The following TEX15 variants were observed in gnomAD, a reference collection of about 807,000 sequenced individuals.
TEX15 encodes testis expressed 15, meiosis and synapsis associated, also known as testis-expressed protein 15.
TEX15 carries 171 observed loss-of-function variants against 237.3 expected under a neutral mutation model. That is an observed-to-expected ratio of 0.72 (90% CI 0.64 to 0.82). TEX15 has a LOEUF of 0.82. TEX15 is among the 40% of genes least tolerant of loss of function. TEX15 has a pLI of 0.00. For synonymous variants in TEX15, 1,338 were observed against 1,269.8 expected, an observed-to-expected ratio of 1.05 and a Z score of -1.14; for missense variants, 3,750 against 3,646.5, an observed-to-expected ratio of 1.03 and a Z score of -0.73.
chr8:30,875,058 T>C lies in TEX15; in HGVS notation c.181A>G (p.Ile61Val). The change falls in exon 4 of 11, where the codon ATA becomes GTA. Residue 61 changes from isoleucine (I) to valine (V), a missense_variant. Transcript: ENST00000643185. ...CTGCACTGGTTAAGAGTATCATGTA[T>C]AAAACTATACTCTCTACTATTGGTG... ...CYTNSREYSF[I>V]HDTLNQCRLD... 1.5e-6 allele frequency: 2 copies of C among 1,307,668 alleles called. No individual in the cohort carries two copies. Among genetic ancestry groups the C allele is most frequent in the Non-Finnish European group, 1.9e-6 (2 of 1,025,692 alleles). The allele number at this position is 1,307,668 out of a possible 1,614,324, so 81.0% of individuals were successfully genotyped here.
At chr8:30,889,456 A>G (rs1808736891) in intron 2 of TEX15, among the ~76,000 whole-genome samples, 1 of 151,822 alleles carries the variant, frequency 6.6e-6, no homozygotes, top group Admixed American at 6.6e-5. Flanking sequence ...CGGCTCAAAG[A>G]AAAAAAAATT....
Position 30,846,461 on chromosome 8 carries a change from CAG to C in TEX15, c.3704_3705del (p.Ser1235Ter), listed in dbSNP as rs1157421580. ...CTCAAGTCAAAAGAAAGGGAGATTT[CAG>C]AGTTACTCACTGGCCCTGATTCTTG... is the stretch of plus-strand genomic sequence containing the variant. The part of the protein sequence containing the change: ...IRQESGPVSN[S>X]EISLSFDLSR... On this transcript the variant is annotated frameshift_variant, in exon 8 of 11. Transcript: ENST00000643185. LOFTEE classifies it high-confidence loss of function. The C allele has an allele frequency of 1.9e-6, 3 of 1,613,184 alleles. No individual in the cohort carries two copies. The highest frequency in any genetic ancestry group is 2.2e-5 in the East Asian group (1 of 44,862).
intron 3 of TEX15, among the ~76,000 whole-genome samples, chr8:30,886,683 G>A (rs1231192312): frequency 6.6e-6 from 1 of 152,194 alleles, no homozygotes; most frequent in South Asian, 2.1e-4. Context: ...GGAAACGGGA[G>A]GGGTATATTT....
At chr8:30,910,747 C>A (rs1809199368) in intron 1 of TEX15, among the ~76,000 whole-genome samples, 1 of 151,228 alleles carries the variant, frequency 6.6e-6, no homozygotes, top group African/African-American at 2.4e-5. Flanking sequence ...TGGCACTCAT[C>A]CAAATAATTT....
rs113444427 is a variant in TEX15, at chr8:30,887,261, T to G, written c.42A>C (p.Gln14His). ...KETAKQDTLWQMSSTSKPVLN... is the reference protein window; with the variant it reads ...KETAKQDTLWHMSSTSKPVLN... ...ACACGGGTTTGCTAGTTGAGCTCAT[T>G]TGCCACAGTGTATCCTGTTTAGCAG... is the stretch of plus-strand genomic sequence containing the variant. Residue 14 changes from glutamine (Q) to histidine (H), a missense_variant, in exon 3 of 11, where the codon CAA (glutamine) becomes CAC (histidine). Gln to His is a conservative substitution (Grantham distance 24, BLOSUM62 0). Transcript: ENST00000643185. 2.6e-6 allele frequency: 4 copies of G among 1,536,018 alleles called. No individual in the cohort carries two copies. In the Admixed American group the frequency reaches 7.8e-5, roughly 30 times the overall value.
chr8:30,835,918 T>C (rs1461938751), intron 10 of TEX15, among the ~76,000 whole-genome samples: 1 of 152,122 alleles, frequency 6.6e-6, no homozygotes, highest in Non-Finnish European at 1.5e-5. Context: ...AACAGAAGGG[T>C]TGTTTTGTCT....
At chr8:30,881,532 A>AAC (rs1395418067) in intron 3 of TEX15, among the ~76,000 whole-genome samples, 1 of 151,950 alleles carries the variant, frequency 6.6e-6, no homozygotes, top group Non-Finnish European at 1.5e-5. Flanking sequence ...CAGACTTGAT[A>AAC]AAGGTTTGTC....
chr8:30,904,666 T>C (rs913263721), intron 1 of TEX15, among the ~76,000 whole-genome samples: 4 of 152,170 alleles, frequency 2.6e-5, no homozygotes, highest in Admixed American at 1.3e-4. Context: ...TTCCTCAGCT[T>C]CTCTTTCAAT....
rs33984716 is a variant in TEX15, at chr8:30,836,205, G to GTTTTTTTTT, written c.9481+589_9481+597dup. Among the ~76,000 whole-genome samples, 44 of 43,278 alleles carry GTTTTTTTTT rather than the reference G, an allele frequency of 1.0e-3. 16 individuals are homozygous for GTTTTTTTTT. The highest frequency in any genetic ancestry group is 1.4e-3 in the South Asian group (1 of 694). The allele number at this position is 43,278 out of a possible 152,430, so 28.4% of individuals were successfully genotyped here. On this transcript the variant is annotated intron_variant, in intron 10 of 10. Coordinates refer to ENST00000643185, the MANE Select transcript of TEX15 (RefSeq NM_001350162.2). Reference sequence around the variant, plus strand: ...TGGTTGCGTCACATTTCACTGTATCGTTTTTTTTTTTTTTTTTTTTTTTTT... The same window carrying GTTTTTTTTT: ...TGGTTGCGTCACATTTCACTGTATCGTTTTTTTTTTTTTTTTTTTTTTTTTTTTTTTTTT...
chr8:30,849,417 C>T, intron 7 of TEX15, 101 bp from the exon 8 acceptor site: 1 of 640,434 alleles, frequency 1.6e-6, no homozygotes, highest in Non-Finnish European at 2.6e-6. Context: ...GAAAGTTCAG[C>T]TAATAACCTA....
Position 30,837,156 on chromosome 8 carries a change from G to A in TEX15, c.9128C>T (p.Ala3043Val). The A allele has an allele frequency of 6.2e-7, 1 of 1,613,980 alleles. No individual in the cohort carries two copies. Among genetic ancestry groups the A allele is most frequent in the Non-Finnish European group, 8.5e-7 (1 of 1,179,920 alleles). The change falls in exon 10 of 11, where the codon GCT becomes GTT. Residue 3043 changes from alanine (A) to valine (V), a missense_variant. Transcript: ENST00000643185. Reference sequence around the variant, plus strand: ...GTTGCTGTACTGATAAACACACCAAGCAGAGTATGGATATGAAGTTCCAAA... The same window carrying A: ...GTTGCTGTACTGATAAACACACCAAACAGAGTATGGATATGAAGTTCCAAA... Reference protein sequence around the residue: ...HLFGTSYPYSAWCVYQYSNSN... With the variant: ...HLFGTSYPYSVWCVYQYSNSN...
At chr8:30,854,331 C>T (rs1023668893) in intron 7 of TEX15, among the ~76,000 whole-genome samples, 1 of 143,304 alleles carries the variant, frequency 7.0e-6, no homozygotes, top group African/African-American at 2.6e-5. Context: ...TTACTACTAA[C>T]AGAAATAAAA....
chr8:30,866,403 G>T (rs1045094731), intron 5 of TEX15, among the ~76,000 whole-genome samples: 7 of 150,838 alleles, frequency 4.6e-5, no homozygotes, highest in African/African-American at 1.7e-4. Context: ...GGAAGGAAAG[G>T]AACACTTACC....
chr8:30,907,774 C>CA (rs35997250), intron 1 of TEX15, among the ~76,000 whole-genome samples: 34,504 of 111,356 alleles, frequency 0.31, 5,882 homozygotes, highest in Middle Eastern at 0.42. Flanking sequence ...ATAATTACAC[C>CA]AAAAAAAAAA....
At chr8:30,871,279 C>T (rs1179694811) in intron 4 of TEX15, among the ~76,000 whole-genome samples, 1 of 152,024 alleles carries the variant, frequency 6.6e-6, no homozygotes, top group Non-Finnish European at 1.5e-5. Context: ...TTTGGGGAAG[C>T]ATTATGCTGC....
Position 30,846,754 on chromosome 8 carries a change from G to T in TEX15, c.3413C>A (p.Ser1138Tyr), listed in dbSNP as rs2128768023. 6.2e-7 allele frequency: 1 copy of T among 1,613,776 alleles called. No homozygotes were observed. Among genetic ancestry groups the T allele is most frequent in the South Asian group, 1.1e-5 (1 of 91,068 alleles). Residue 1138 changes from serine to tyrosine, a missense_variant, in exon 8 of 11, where the codon TCC (serine) becomes TAC (tyrosine). Coordinates refer to ENST00000643185, the MANE Select transcript of TEX15 (RefSeq NM_001350162.2). ...TTCTGTTTCATTGTTTTGTGTAGAG[G>T]AATAAAAATAGTTACTTTCCTTAGA... ...HYSKESNYFY[S>Y]STQNNETELT...
intron 8 of TEX15, among the ~76,000 whole-genome samples, chr8:30,840,557 T>C (rs1253074524): frequency 6.6e-6 from 1 of 152,200 alleles, no homozygotes; most frequent in Non-Finnish European, 1.5e-5. Context: ...TCCTTTCTTG[T>C]AAACCAGTTG....
chr8:30,869,726 T>A (rs1253803103), intron 4 of TEX15, among the ~76,000 whole-genome samples: 1 of 152,016 alleles, frequency 6.6e-6, no homozygotes, highest in Non-Finnish European at 1.5e-5. Flanking sequence ...CCTATCTCCT[T>A]GTGAGTCTAC....
chr8:30,836,574 C>A (rs914884748), intron 10 of TEX15, among the ~76,000 whole-genome samples: 1 of 152,132 alleles, frequency 6.6e-6, no homozygotes, highest in African/African-American at 2.4e-5. Flanking sequence ...TATTGAAGAA[C>A]AAACATGTCA....
Sources: gnomAD v4.1 joint callset for allele counts (sites outside exome capture counted in the v4.1 genomes callset) on GRCh38, gnomAD v4.1.1 for gene constraint, MANE v1.5 for transcripts, NCBI Gene and HGNC (gene_info 2026-07-23, HGNC 2026-07-21) for gene names.